Variants in MORC1 observed in about 807,000 individuals in gnomAD.
The protein encoded by MORC1 is MORC family CW-type zinc finger protein 1.
In MORC1, 59 loss-of-function variants were observed where a neutral mutation model predicts 134.9. That is an observed-to-expected ratio of 0.44 (90% CI 0.35 to 0.54). The LOEUF is 0.54. Ranked by LOEUF, MORC1 falls within the 20% of genes least tolerant of loss-of-function variation. MORC1 has a pLI of 0.00. For missense variants in MORC1, 947 were observed against 1,134.5 expected, an observed-to-expected ratio of 0.83 and a Z score of 2.37; for synonymous variants, 395 against 391.7, an observed-to-expected ratio of 1.01 and a Z score of -0.10.
At chr3:109,034,423 C>T (rs1576657484) in intron 15 of MORC1, among the ~76,000 whole-genome samples, 3 of 152,180 alleles carry the variant, frequency 2.0e-5, no homozygotes, top group Admixed American at 2.0e-4. Flanking sequence ...GAAAACATAT[C>T]AGTAAGTGCT....
At chr3:109,110,601 C>A in intron 3 of MORC1, 148 bp downstream of exon 3, 2 of 645,134 alleles carry the variant, frequency 3.1e-6, no homozygotes, top group Non-Finnish European at 5.2e-6. Flanking sequence ...CTCACCCTGG[C>A]TCCCCACAGG....
chr3:108,996,282 G>GCA (rs71625232), intron 21 of MORC1, among the ~76,000 whole-genome samples: 54 of 48,738 alleles, frequency 1.1e-3, no homozygotes, highest in African/African-American at 1.2e-3. Context: ...GCGTGCGCGC[G>GCA]CGCGCACACA....
chr3:109,022,087 A>G (rs1002684019), intron 17 of MORC1, among the ~76,000 whole-genome samples: 2 of 152,260 alleles, frequency 1.3e-5, no homozygotes, highest in African/African-American at 2.4e-5. Context: ...TAAGAGTAAT[A>G]AAGTAAAATA....
intron 23 of MORC1, among the ~76,000 whole-genome samples, chr3:108,982,344 A>G (rs2107453386): frequency 6.6e-6 from 1 of 152,268 alleles, no homozygotes; most frequent in South Asian, 2.1e-4. Context: ...ACAGTGTGAC[A>G]ATTCCTCAAG....
chr3:108,979,340 CA>C (rs1947647663), intron 24 of MORC1, among the ~76,000 whole-genome samples, 174 bp downstream of exon 24: 1 of 152,140 alleles, frequency 6.6e-6, no homozygotes, highest in African/African-American at 2.4e-5. Flanking sequence ...AGTTCTATTA[CA>C]AGGGATATTT....
At chr3:108,963,832 A>G (rs930210133) in intron 26 of MORC1, among the ~76,000 whole-genome samples, 5 of 152,358 alleles carry the variant, frequency 3.3e-5, no homozygotes, top group Middle Eastern at 6.8e-3. Context: ...AATTGTAATT[A>G]TAAGGAGGAA....
rs771501550 is a variant in MORC1 at position 109,005,134 on chromosome 3, T to C, written c.1949A>G (p.Asn650Ser). ...TACTGGAATTCTCTGCTGTTGAGAG[T>C]TCATTTTCTCCTCCATAGACTTTTT... ...IMKKSMEEKM[N>S]SQQQRIPVAL... Residue 650 changes from asparagine to serine, a missense_variant, in exon 19 of 28, where the codon AAC (asparagine) becomes AGC (serine). Transcript: ENST00000232603. The C allele has an allele frequency of 1.2e-6, 2 of 1,613,866 alleles. No homozygotes were observed. The highest frequency in any genetic ancestry group is 1.7e-6 in the Non-Finnish European group (2 of 1,179,906).
intron 26 of MORC1, among the ~76,000 whole-genome samples, chr3:108,964,524 A>G (rs1947164810): frequency 6.6e-6 from 1 of 152,196 alleles, no homozygotes; most frequent in African/African-American, 2.4e-5. Flanking sequence ...TCTGACATCC[A>G]CATCATCTCC....
chr3:109,105,110 T>G (rs1317339802), intron 3 of MORC1, among the ~76,000 whole-genome samples: 1 of 152,134 alleles, frequency 6.6e-6, no homozygotes, highest in Non-Finnish European at 1.5e-5. Flanking sequence ...AGACTGGATG[T>G]GGTAGCTCAC....
intron 8 of MORC1, among the ~76,000 whole-genome samples, chr3:109,089,485 C>G (rs1950676493): frequency 6.6e-6 from 1 of 152,036 alleles, no homozygotes; most frequent in African/African-American, 2.4e-5. Flanking sequence ...TGTACCCACT[C>G]AATAAAGGAC....
chr3:109,113,132 C>T (rs1409334774), intron 2 of MORC1, among the ~76,000 whole-genome samples: 1 of 152,176 alleles, frequency 6.6e-6, no homozygotes, highest in Non-Finnish European at 1.5e-5. Flanking sequence ...GAGGCAGGAC[C>T]GATGACATAG....
At chr3:109,109,858 A>C (rs1004831093) in intron 3 of MORC1, 1 of 152,366 alleles carries the variant, frequency 6.6e-6, no homozygotes, top group Non-Finnish European at 1.5e-5. Flanking sequence ...GGGTGAGTCC[A>C]CGTGATCCCG....
intron 21 of MORC1, among the ~76,000 whole-genome samples, chr3:108,994,000 A>G (rs140367961): frequency 2.9e-4 from 44 of 152,234 alleles, no homozygotes; most frequent in African/African-American, 1.0e-3. Context: ...GGCCCTGGTA[A>G]TGATCTTAGG....
intron 17 of MORC1, among the ~76,000 whole-genome samples, chr3:109,021,606 C>T (rs902611976): frequency 2.6e-5 from 4 of 152,214 alleles, no homozygotes; most frequent in African/African-American, 9.6e-5. Context: ...AACCCCATGG[C>T]AAAATAAAGT....
In MORC1 at chr3:108,963,649, T is replaced by C. The variant is rs746956971; in HGVS notation, c.2605-41A>G. 18 of 1,308,366 alleles carry C rather than the reference T, an allele frequency of 1.4e-5. No individual in the cohort carries two copies. The South Asian group carries it at 2.5e-4, about 18-fold the overall frequency. The allele number at this position is 1,308,366 out of a possible 1,614,324, so 81.0% of individuals were successfully genotyped here. On this transcript the variant is annotated intron_variant, in intron 26 of 27. Transcript: ENST00000232603. Reference sequence around the variant, plus strand: ...AAACAGTTTTAGCATGTTTTTAAAATATTACTTTCCCTCTAATATCACTAG... The same window carrying C: ...AAACAGTTTTAGCATGTTTTTAAAACATTACTTTCCCTCTAATATCACTAG...
chr3:108,989,535 A>G (rs1203412925), intron 21 of MORC1, among the ~76,000 whole-genome samples: 1 of 152,194 alleles, frequency 6.6e-6, no homozygotes, highest in East Asian at 1.9e-4. Context: ...CAGAGGAAAA[A>G]AGAACACGCC....
At chr3:109,080,925 T>C (rs1950508658) in intron 8 of MORC1, among the ~76,000 whole-genome samples, 1 of 152,174 alleles carries the variant, frequency 6.6e-6, no homozygotes, top group Non-Finnish European at 1.5e-5. Flanking sequence ...ATTTAGTTTA[T>C]AGTACTGATT....
At chr3:109,106,516 T>C (rs1951040327) in intron 3 of MORC1, among the ~76,000 whole-genome samples, 1 of 152,192 alleles carries the variant, frequency 6.6e-6, no homozygotes, top group Admixed American at 6.5e-5. Context: ...CACTTGTTAA[T>C]TACGCGTGTC....
In MORC1 at chr3:109,017,135, T is replaced by C. The variant is rs540970496; in HGVS notation, c.1705-10044A>G. Among the ~76,000 whole-genome samples, 48 of 149,006 alleles carry C rather than the reference T, an allele frequency of 3.2e-4. 1 individual carries two copies. In the East Asian group the frequency reaches 3.7e-3, roughly 11 times the overall value. On this transcript the variant is annotated intron_variant, in intron 17 of 27. Coordinates refer to ENST00000232603, the MANE Select transcript of MORC1 (RefSeq NM_014429.4). ...CTACTTCCCCTCATCCCACCTGGCTTTCCCTCTGAAACTTATCTTGCTGAG... is the reference window on the plus strand; with the variant it reads ...CTACTTCCCCTCATCCCACCTGGCTCTCCCTCTGAAACTTATCTTGCTGAG...
Sources: allele counts gnomAD v4.1 joint callset (sites outside exome capture counted in the v4.1 genomes callset), GRCh38; gene constraint gnomAD v4.1.1; transcripts MANE v1.5; gene names NCBI Gene and HGNC (gene_info 2026-07-23, HGNC 2026-07-21).